Variants in SPTA1 observed in about 807,000 individuals in gnomAD.
The protein encoded by SPTA1 is spectrin alpha, erythrocytic 1, also known as spectrin alpha chain, erythrocytic 1.
SPTA1 carries 177 observed loss-of-function variants against 324.7 expected under a neutral mutation model. That is an observed-to-expected ratio of 0.55 (90% CI 0.48 to 0.62). SPTA1 has a LOEUF of 0.62. Ranked by LOEUF, SPTA1 falls within the 20% of genes least tolerant of loss-of-function variation. The pLI is 0.00. For synonymous variants in SPTA1, 1,195 were observed against 1,041.3 expected (o/e 1.15, Z -2.84); for missense variants, 3,162 against 2,883.6 (o/e 1.10, Z -2.21).
At chr1:158,614,592 A>T in intron 48 of SPTA1, 1 of 353,292 alleles carries the variant, frequency 2.8e-6, no homozygotes, top group Non-Finnish European at 5.1e-6. Flanking sequence ...CAATGTCCAT[A>T]TATAAAGCTT....
chr1:158,645,688 TC>T, intron 27 of SPTA1, 94 bp from the exon 28 acceptor site: 1 of 1,347,910 alleles, frequency 7.4e-7, no homozygotes, highest in Non-Finnish European at 1.1e-6. Flanking sequence ...AGAAAACATT[TC>T]CAGAATAACA....
intron 42 of SPTA1, among the ~76,000 whole-genome samples, chr1:158,624,528 C>CA (rs1650140670): frequency 1.3e-5 from 2 of 152,240 alleles, no homozygotes; most frequent in Middle Eastern, 3.4e-3. Context: ...TTGTTTTGGC[C>CA]AATTTATCCC....
chr1:158,636,174 TC>T, intron 37 of SPTA1, 140 bp from the exon 38 acceptor site: 1 of 1,454,460 alleles, frequency 6.9e-7, no homozygotes, highest in Non-Finnish European at 9.5e-7. Context: ...GTCCTGAAAG[TC>T]CAGGGAGAAT....
At chr1:158,611,503 A>G (rs1649259652) in intron 51 of SPTA1, 114 bp from the exon 52 acceptor site, 5 of 1,240,410 alleles carry the variant, frequency 4.0e-6, no homozygotes, top group African/African-American at 1.5e-5. Flanking sequence ...TGGAAGACGC[A>G]AGCCCTATTT....
Position 158,642,396 on chromosome 1 carries a change from C to A in SPTA1, c.4737+15G>T, listed in dbSNP as rs1361049054. On this transcript the variant is annotated intron_variant, in intron 33 of 51. Transcript: ENST00000643759. ...TCATGTGACTTTGTAGCCCAAAACT[C>A]ATCCTGAGCTTTACCTTCATGGCCT... The A allele has an allele frequency of 6.2e-7, 1 of 1,612,402 alleles. No homozygotes were observed. The highest frequency in any genetic ancestry group is 1.3e-5 in the African/African-American group (1 of 74,794).
At chr1:158,630,289 A>G (rs1006605972) in intron 39 of SPTA1, among the ~76,000 whole-genome samples, 2 of 152,080 alleles carry the variant, frequency 1.3e-5, no homozygotes, top group African/African-American at 4.8e-5. Context: ...GTACTGGCAT[A>G]AAAACAGACA....
At chr1:158,649,816 G>T in intron 25 of SPTA1, 40 bp downstream of exon 25, 1 of 1,515,190 alleles carries the variant, frequency 6.6e-7, no homozygotes, top group Middle Eastern at 1.7e-4. Context: ...TAGTGAGTGG[G>T]TTTTAAAGCA....
At chr1:158,632,215 A>T (rs1650729348) in intron 39 of SPTA1, among the ~76,000 whole-genome samples, 1 of 152,204 alleles carries the variant, frequency 6.6e-6, no homozygotes, top group Non-Finnish European at 1.5e-5. Context: ...ATGCTACATG[A>T]TTCCACCTAT....
intron 38 of SPTA1, among the ~76,000 whole-genome samples, chr1:158,635,395 C>T (rs1313757165): frequency 3.3e-5 from 5 of 151,898 alleles, no homozygotes; most frequent in African/African-American, 1.2e-4. Context: ...CTGAGGCCTC[C>T]CAGTCATGCT....
chr1:158,627,224 TA>T (rs890374751), intron 40 of SPTA1, among the ~76,000 whole-genome samples: 3 of 152,076 alleles, frequency 2.0e-5, no homozygotes, highest in African/African-American at 7.2e-5. Context: ...AAACTACATT[TA>T]AAAAAAGGAA....
intron 35 of SPTA1, 46 bp from the exon 36 acceptor site, chr1:158,638,287 A>G: frequency 6.3e-7 from 1 of 1,575,492 alleles, no homozygotes; most frequent in Non-Finnish European, 8.6e-7. Context: ...TATAGGCATT[A>G]CTCAGATCCC....
chr1:158,665,196 T>C (rs1653504507), intron 16 of SPTA1, among the ~76,000 whole-genome samples: 1 of 152,150 alleles, frequency 6.6e-6, no homozygotes, highest in Admixed American at 6.6e-5. Flanking sequence ...TGTTTGCTTT[T>C]AAAGAAAAAA....
In SPTA1 at chr1:158,639,896, G is replaced by A. The variant is rs745646823; in HGVS notation, c.4849C>T (p.Arg1617Trp). The change falls in exon 34 of 52, where the codon CGG becomes TGG. Residue 1617 changes from arginine to tryptophan, a missense_variant. Arg to Trp is a moderately radical substitution (Grantham distance 101, BLOSUM62 -3). Coordinates refer to ENST00000643759, the MANE Select transcript of SPTA1 (RefSeq NM_003126.4). ...SRQQRFNTSI[R>W]DFEFWLSEAE... ...TCTGAGAGCCAGAACTCAAAGTCCC[G>A]GATGCTTGTGTTGAACCTCTGTTGA... is the stretch of plus-strand genomic sequence containing the variant. The A allele has an allele frequency of 5.6e-6, 9 of 1,613,746 alleles. No homozygotes were observed. The highest frequency in any genetic ancestry group is 2.2e-5 in the East Asian group (1 of 44,882).
At chr1:158,674,026 A>G (rs1479034596) in intron 10 of SPTA1, among the ~76,000 whole-genome samples, 1 of 152,208 alleles carries the variant, frequency 6.6e-6, no homozygotes, top group Non-Finnish European at 1.5e-5. Flanking sequence ...ATGAAGTATT[A>G]TAAGTAATCT....
In SPTA1 at chr1:158,635,941, C is replaced by T. The variant is rs573237707; in HGVS notation, c.5404G>A (p.Glu1802Lys). Residue 1802 changes from glutamate (E) to lysine (K), a missense_variant, in exon 38 of 52, where the codon GAG (glutamate) becomes AAG (lysine). Coordinates refer to ENST00000643759, the MANE Select transcript of SPTA1 (RefSeq NM_003126.4). ...LRLAQFVEHW[E>K]KLKELAKARG... Reference sequence around the variant, plus strand: ...GCCTTGGCCAACTCTTTGAGCTTCTCCCAGTGTTCAACAAACTGAGCCAGC... The same window carrying T: ...GCCTTGGCCAACTCTTTGAGCTTCTTCCAGTGTTCAACAAACTGAGCCAGC... 6.2e-7 allele frequency: 1 copy of T among 1,614,176 alleles called. No homozygotes were observed. The highest frequency in any genetic ancestry group is 2.2e-5 in the East Asian group (1 of 44,880).
intron 39 of SPTA1, among the ~76,000 whole-genome samples, chr1:158,628,827 A>G (rs934135215): frequency 1.3e-5 from 2 of 152,132 alleles, no homozygotes; most frequent in Admixed American, 6.5e-5. Context: ...ATAAACTAGA[A>G]TATCTAGAGA....
At chr1:158,683,612 T>C in intron 2 of SPTA1, 116 bp from the exon 3 acceptor site, 2 of 1,364,802 alleles carry the variant, frequency 1.5e-6, no homozygotes, top group Admixed American at 1.9e-5. Flanking sequence ...TCAGAGGCCA[T>C]AAAGAGTATT....
intron 39 of SPTA1, among the ~76,000 whole-genome samples, chr1:158,631,558 A>G (rs1426880036): frequency 1.3e-5 from 2 of 152,186 alleles, no homozygotes; most frequent in Non-Finnish European, 2.9e-5. Flanking sequence ...CCACTAAAGA[A>G]CTTATCCATA....
intron 39 of SPTA1, among the ~76,000 whole-genome samples, chr1:158,632,195 A>G (rs1650727789): frequency 2.0e-5 from 3 of 152,228 alleles, no homozygotes; most frequent in African/African-American, 7.2e-5. Flanking sequence ...AGCCAGTTAT[A>G]GAAAGATACA....
Sources: gnomAD v4.1 joint callset for allele counts (sites outside exome capture counted in the v4.1 genomes callset) on GRCh38, gnomAD v4.1.1 for gene constraint, MANE v1.5 for transcripts, NCBI Gene and HGNC (gene_info 2026-07-23, HGNC 2026-07-21) for gene names.